The following FGGY variants were observed in gnomAD, a reference collection of about 807,000 sequenced individuals.
The protein encoded by FGGY is FGGY carbohydrate kinase domain containing, also known as FGGY carbohydrate kinase domain-containing protein.
In FGGY, 72 loss-of-function variants were observed where a neutral mutation model predicts 71.3. The ratio of observed to expected loss-of-function variants is 1.01; its 90% CI spans 0.84 to 1.23. FGGY has a LOEUF of 1.23. Ranked by LOEUF, FGGY falls within the 50% of genes most tolerant of loss-of-function variation. FGGY has a pLI of 0.00. For missense variants in FGGY, 668 were observed against 682.3 expected (o/e 0.98, Z 0.23); for synonymous variants, 251 against 250.3 (o/e 1.00, Z -0.02).
In FGGY at chr1:59,625,969, C is replaced by T; in HGVS notation, c.1012-19C>T. 1 of 1,582,708 alleles carries T rather than the reference C, an allele frequency of 6.3e-7. No individual in the cohort carries two copies. Among genetic ancestry groups the T allele is most frequent in the African/African-American group, 1.4e-5 (1 of 73,836 alleles). ...AATTAAAGAAGCTATAAAATTGACC[C>T]ATGTCTCTTATTTTTCAGATAGACC... On this transcript the variant is annotated intron_variant, in intron 9 of 15. Transcript: ENST00000303721.
intron 14 of FGGY, among the ~76,000 whole-genome samples, chr1:59,732,835 G>A (rs2098052010): frequency 6.6e-6 from 1 of 151,920 alleles, no homozygotes; most frequent in South Asian, 2.1e-4. Context: ...TGCAATTCTT[G>A]CACCCTGAAA....
At chr1:59,661,605 G>A (rs894262019) in intron 12 of FGGY, among the ~76,000 whole-genome samples, 6 of 152,122 alleles carry the variant, frequency 3.9e-5, no homozygotes, top group Non-Finnish European at 5.9e-5. Context: ...AAAAAAGTGT[G>A]CATCAGTAGT....
At chr1:59,416,361 A>C (rs1225505340) in intron 5 of FGGY, among the ~76,000 whole-genome samples, 1 of 152,160 alleles carries the variant, frequency 6.6e-6, no homozygotes, top group Non-Finnish European at 1.5e-5. Flanking sequence ...AAAGGAAAAG[A>C]CTGTCTGGAA....
chr1:59,379,772 T>C lies in FGGY; in HGVS notation c.554+935T>C, dbSNP rs552204273. Among the ~76,000 whole-genome samples the C allele has an allele frequency of 5.3e-5, 8 of 152,316 alleles. No individual in the cohort carries two copies. The South Asian group carries it at 1.7e-3, about 32-fold the overall frequency. Reference sequence around the variant, plus strand: ...ATTATACAGCTGTACAAAAATATTTTCTTTGTATTCTTATTCAATATGCTT... The same window carrying C: ...ATTATACAGCTGTACAAAAATATTTCCTTTGTATTCTTATTCAATATGCTT... On this transcript the variant is annotated intron_variant, in intron 5 of 15. Transcript: ENST00000303721.
intron 6 of FGGY, among the ~76,000 whole-genome samples, chr1:59,487,173 G>T (rs576064980): frequency 5.9e-5 from 9 of 152,284 alleles, no homozygotes; most frequent in African/African-American, 1.9e-4. Context: ...ACCCAGGGAA[G>T]AGCTGATTTA....
chr1:59,365,289 C>T (rs1279919812), intron 4 of FGGY, among the ~76,000 whole-genome samples: 2 of 152,164 alleles, frequency 1.3e-5, no homozygotes, highest in African/African-American at 4.8e-5. Context: ...ATGAAGGAGA[C>T]AGAAAAGCAC....
intron 7 of FGGY, among the ~76,000 whole-genome samples, chr1:59,519,411 C>T (rs2094759225): frequency 6.6e-6 from 1 of 152,156 alleles, no homozygotes; most frequent in Non-Finnish European, 1.5e-5. Flanking sequence ...GTTACGGTTA[C>T]TTGTGCCGTG....
chr1:59,626,540 G>C (rs985345168), intron 10 of FGGY: 1 of 152,308 alleles, frequency 6.6e-6, no homozygotes, highest in Non-Finnish European at 1.5e-5. Flanking sequence ...AAATACATGT[G>C]TATCTGTTCA....
chr1:59,324,680 AG>A (rs2047066326), intron 2 of FGGY, among the ~76,000 whole-genome samples: 1 of 152,176 alleles, frequency 6.6e-6, no homozygotes, highest in African/African-American at 2.4e-5. Context: ...CTCCTGAATA[AG>A]AAGAAGGGGA....
rs371093602 is a variant in FGGY at position 59,535,781 on chromosome 1, C to T, written c.800-18343C>T. ...CAGAAATAAAGATCTTCTTTGAAAC[C>T]AACGAGAACAAAGACACAACATACC... On this transcript the variant is annotated intron_variant, in intron 7 of 15. Coordinates refer to ENST00000303721, the MANE Select transcript of FGGY (RefSeq NM_018291.5). 1.7e-3 allele frequency among the ~76,000 whole-genome samples: 247 copies of T among 148,838 alleles called. 7 individuals are homozygous for T. Among genetic ancestry groups the T allele is most frequent in the East Asian group, 0.016 (80 of 5,028 alleles).
intron 7 of FGGY, among the ~76,000 whole-genome samples, chr1:59,520,015 G>A (rs528101538): frequency 1.3e-5 from 2 of 152,320 alleles, no homozygotes; most frequent in South Asian, 4.1e-4. Flanking sequence ...GTGGTGGGTA[G>A]AGGCCAGGGA....
chr1:59,575,795 G>A (rs1353625484), intron 8 of FGGY, among the ~76,000 whole-genome samples: 1 of 151,976 alleles, frequency 6.6e-6, no homozygotes, highest in African/African-American at 2.4e-5. Context: ...TATATGCTCT[G>A]CATGCATTAT....
chr1:59,464,458 A>C (rs1027064913), intron 6 of FGGY, among the ~76,000 whole-genome samples: 4 of 152,242 alleles, frequency 2.6e-5, no homozygotes, highest in Non-Finnish European at 5.9e-5. Context: ...TAAAAGAACT[A>C]GAGAAGCAAG....
chr1:59,542,903 C>T (rs2095466954), intron 7 of FGGY, among the ~76,000 whole-genome samples: 1 of 152,110 alleles, frequency 6.6e-6, no homozygotes, highest in Admixed American at 6.5e-5. Flanking sequence ...GCACTCATTC[C>T]CTAAGGCACC....
At chr1:59,435,297 T>A (rs947416242) in intron 5 of FGGY, among the ~76,000 whole-genome samples, 2 of 152,156 alleles carry the variant, frequency 1.3e-5, no homozygotes, top group Non-Finnish European at 2.9e-5. Flanking sequence ...AACGTGTATG[T>A]CCAATGACAA....
At chr1:59,377,532 C>T (rs2058811333) in intron 4 of FGGY, among the ~76,000 whole-genome samples, 1 of 152,146 alleles carries the variant, frequency 6.6e-6, no homozygotes. Flanking sequence ...TTACCTCCTA[C>T]AGGGTACCTC....
At chr1:59,584,056 T>C (rs2096242100) in intron 8 of FGGY, among the ~76,000 whole-genome samples, 1 of 149,582 alleles carries the variant, frequency 6.7e-6, no homozygotes, top group Non-Finnish European at 1.5e-5. Flanking sequence ...CAGGACCGGA[T>C]GGATTCACAG....
chr1:59,592,350 G>A (rs202085631), intron 8 of FGGY, among the ~76,000 whole-genome samples: 18,702 of 146,246 alleles, frequency 0.13, 1,297 homozygotes, highest in South Asian at 0.32. Flanking sequence ...CTGTAAACTA[G>A]TTCAACCATT....
chr1:59,656,032 A>G (rs909939540), intron 11 of FGGY, among the ~76,000 whole-genome samples: 16 of 152,210 alleles, frequency 1.1e-4, no homozygotes, highest in Non-Finnish European at 2.4e-4. Context: ...TAGGCAATGC[A>G]GTTATTTGCA....
Sources: allele counts gnomAD v4.1 joint callset (sites outside exome capture counted in the v4.1 genomes callset), GRCh38; gene constraint gnomAD v4.1.1; transcripts MANE v1.5; gene names NCBI Gene and HGNC (gene_info 2026-07-23, HGNC 2026-07-21).